The following MCTS1 variants were observed in gnomAD, a reference collection of about 807,000 sequenced individuals.
MCTS1 encodes MCTS1 re-initiation and release factor, also known as malignant T-cell-amplified sequence 1.
For missense variants in MCTS1, 55 were observed against 128.6 expected (o/e 0.43, Z 2.77); for synonymous variants, 26 against 40.8 (o/e 0.64, Z 1.38).
In MCTS1 at chrX:120,621,130, G is replaced by A. The variant is rs1385121943; in HGVS notation, c.*8866G>A. Reference sequence around the variant, plus strand: ...AAATGATAATATTTTGGATATGTTTGGGTTAAATAAAATATATTACTAAAA... The same window carrying A: ...AAATGATAATATTTTGGATATGTTTAGGTTAAATAAAATATATTACTAAAA... On this transcript the variant is annotated 3_prime_UTR_variant, in exon 6 of 6. Transcript: ENST00000371317. The A allele has an allele frequency of 8.9e-6, 1 of 112,382 alleles. No individual in the cohort carries two copies. Among genetic ancestry groups the A allele is most frequent in the East Asian group, 2.8e-4 (1 of 3,625 alleles). 9.3% of individuals were successfully genotyped at this position (112,382 alleles called of 1,213,427 possible).
intron 1 of MCTS1, chrX:120,604,463 C>G: frequency 1.9e-6 from 1 of 534,461 alleles, no homozygotes; most frequent in Non-Finnish European, 2.9e-6. Flanking sequence ...CCTCCACTCC[C>G]ATTGTTTTTT....
chrX:120,606,450 T>G (rs1215567799), intron 3 of MCTS1, among the ~76,000 whole-genome samples: 2 of 112,731 alleles, frequency 1.8e-5, no homozygotes, highest in Non-Finnish European at 3.7e-5. Flanking sequence ...CTCTCATGCA[T>G]TCCAGAAAGC....
intron 5 of MCTS1, among the ~76,000 whole-genome samples, chrX:120,611,656 G>GT (rs1171868366): frequency 9.0e-6 from 1 of 111,718 alleles, no homozygotes; most frequent in Non-Finnish European, 1.9e-5. Flanking sequence ...CTGACCTCAA[G>GT]TGATCCACCC....
chrX:120,613,126 A>G lies in MCTS1; in HGVS notation c.*862A>G, dbSNP rs887367226. On this transcript the variant is annotated 3_prime_UTR_variant, in exon 6 of 6. Transcript: ENST00000371317. ...TTTTTGGTAGAGATGGGGTTTCGCT[A>G]TGTTGGCCAGACTGGTCTTGAACTC... 1.0e-3 allele frequency among the ~76,000 whole-genome samples: 115 copies of G among 109,815 alleles called. No individual in the cohort carries two copies. Among genetic ancestry groups the G allele is most frequent in the Non-Finnish European group, 1.9e-4 (10 of 52,689 alleles).
intron 4 of MCTS1, among the ~76,000 whole-genome samples, chrX:120,609,515 A>G (rs975295161): frequency 6.3e-5 from 7 of 111,393 alleles, no homozygotes; most frequent in Admixed American, 5.7e-4. Context: ...AGAAAAAAAA[A>G]TGATATTCTC....
chrX:120,604,327 CCT>C (rs1926472254), intron 1 of MCTS1, 80 bp downstream of exon 1: 6 of 1,141,470 alleles, frequency 5.3e-6, no homozygotes, highest in Non-Finnish European at 7.2e-6. Flanking sequence ...GAGCTAAGAT[CCT>C]CTTTCTCTCT....
rs185988081 is a variant in MCTS1, at chrX:120,618,943, C to G, written c.*6679C>G. 9.8e-5 allele frequency among the ~76,000 whole-genome samples: 11 copies of G among 111,790 alleles called. No homozygotes were observed. The highest frequency in any genetic ancestry group is 1.9e-4 in the Non-Finnish European group (10 of 53,162). On this transcript the variant is annotated 3_prime_UTR_variant, in exon 6 of 6. Transcript: ENST00000371317. The stretch of plus-strand genomic sequence containing the variant: ...ATGCCCAGATACATTTATTGGGATG[C>G]AGGAATCTCACTTAAGTAGCGGTTT...
chrX:120,611,174 A>T, intron 5 of MCTS1, 96 bp downstream of exon 5: 2 of 701,303 alleles, frequency 2.9e-6, no homozygotes, highest in East Asian at 6.6e-5. Flanking sequence ...CATGCATACC[A>T]CATTACACAA....
rs10563395 is a variant in MCTS1 at position 120,612,660 on chromosome X, C to CGTGTGTGTGTGTGT, written c.*409_*422dup. Among the ~76,000 whole-genome samples the CGTGTGTGTGTGTGT allele has an allele frequency of 1.2e-4, 12 of 97,412 alleles. No individual in the cohort carries two copies. Among genetic ancestry groups the CGTGTGTGTGTGTGT allele is most frequent in the African/African-American group, 4.7e-4 (12 of 25,713 alleles). 84.6% of individuals were successfully genotyped at this position (97,412 alleles called of 115,157 possible). A position where few individuals can be genotyped will look rare whatever the true frequency, so the allele number is the denominator to read the frequency against. ...CAGGGGACCCAGCAGTGCTCATTCT[C>CGTGTGTGTGTGTGT]GTGTGTGTGTGTGTGTGTGTGTGTG... On this transcript the variant is annotated 3_prime_UTR_variant, in exon 6 of 6. Coordinates refer to ENST00000371317, the MANE Select transcript of MCTS1 (RefSeq NM_014060.3).
At position 120,618,827 on chromosome X, in the gene MCTS1, C is replaced by T. The variant is rs1288482066; in HGVS notation, c.*6563C>T. Among the ~76,000 whole-genome samples, 1 of 112,312 alleles carries T rather than the reference C, an allele frequency of 8.9e-6. No individual in the cohort carries two copies. Among genetic ancestry groups the T allele is most frequent in the African/African-American group, 3.2e-5 (1 of 30,951 alleles). On this transcript the variant is annotated 3_prime_UTR_variant, in exon 6 of 6. Coordinates refer to ENST00000371317, the MANE Select transcript of MCTS1 (RefSeq NM_014060.3). The stretch of plus-strand genomic sequence containing the variant: ...AAAAGGAGTCCACAAAGTATTTCTG[C>T]TTTCTTGCTCCTGAATGCAAAGGTC...
chrX:120,616,113 T>C lies in MCTS1; in HGVS notation c.*3849T>C, dbSNP rs191974966. The stretch of plus-strand genomic sequence containing the variant: ...TAGCAATTATATATTAATGGAAATA[T>C]GAATGTATGCCCAAGCAAAATGTCA... On this transcript the variant is annotated 3_prime_UTR_variant, in exon 6 of 6. Coordinates refer to ENST00000371317, the MANE Select transcript of MCTS1 (RefSeq NM_014060.3). Among the ~76,000 whole-genome samples the C allele has an allele frequency of 1.5e-3, 174 of 112,826 alleles. No individual in the cohort carries two copies. Among genetic ancestry groups the C allele is most frequent in the African/African-American group, 5.3e-3 (164 of 31,207 alleles).
chrX:120,618,503 C>T lies in MCTS1; in HGVS notation c.*6239C>T, dbSNP rs192317004. Reference sequence around the variant, plus strand: ...AGGATTAAGAAAAAGTTTTCTTTTGCGTGACTAAATTCTTTCCACAGTTTG... The same window carrying T: ...AGGATTAAGAAAAAGTTTTCTTTTGTGTGACTAAATTCTTTCCACAGTTTG... On this transcript the variant is annotated 3_prime_UTR_variant, in exon 6 of 6. Coordinates refer to ENST00000371317, the MANE Select transcript of MCTS1 (RefSeq NM_014060.3). 6.2e-5 allele frequency among the ~76,000 whole-genome samples: 7 copies of T among 112,048 alleles called. No individual in the cohort carries two copies. The highest frequency in any genetic ancestry group is 4.8e-4 in the Admixed American group (5 of 10,489).
intron 2 of MCTS1, among the ~76,000 whole-genome samples, chrX:120,605,807 A>C (rs751456537): frequency 1.8e-5 from 2 of 112,600 alleles, no homozygotes; most frequent in Non-Finnish European, 3.8e-5. Context: ...GTTGGATTTA[A>C]TTTATTTCAG....
chrX:120,615,218 T>C lies in MCTS1; in HGVS notation c.*2954T>C, dbSNP rs1926814718. Reference sequence around the variant, plus strand: ...TGGAAACTTAGTTTACCTATATTCGTGAGAATAGGAATACAGGGATAGAGA... The same window carrying C: ...TGGAAACTTAGTTTACCTATATTCGCGAGAATAGGAATACAGGGATAGAGA... On this transcript the variant is annotated 3_prime_UTR_variant, in exon 6 of 6. Transcript: ENST00000371317. 8.9e-6 allele frequency among the ~76,000 whole-genome samples: 1 copy of C among 112,479 alleles called. No homozygotes were observed. The highest frequency in any genetic ancestry group is 2.8e-4 in the East Asian group (1 of 3,611).
rs1053888064 is a variant in MCTS1 at position 120,618,716 on chromosome X, C to T, written c.*6452C>T. On this transcript the variant is annotated 3_prime_UTR_variant, in exon 6 of 6. Transcript: ENST00000371317. ...TCATGGCTTTATTCAGTTTCAAAAA[C>T]AGTAGGGGCTAAAATGTTTGGACAT... is the stretch of plus-strand genomic sequence containing the variant. 2.7e-5 allele frequency among the ~76,000 whole-genome samples: 3 copies of T among 112,380 alleles called. No individual in the cohort carries two copies. The highest frequency in any genetic ancestry group is 5.6e-5 in the Non-Finnish European group (3 of 53,302).
At position 120,616,022 on chromosome X, in the gene MCTS1, A is replaced by G. The variant is rs779906955; in HGVS notation, c.*3758A>G. Reference sequence around the variant, plus strand: ...GTATAATACTTCAGAGGAAGAGATAAGAATTACAATTCACTAAATTCGTGG... The same window carrying G: ...GTATAATACTTCAGAGGAAGAGATAGGAATTACAATTCACTAAATTCGTGG... On this transcript the variant is annotated 3_prime_UTR_variant, in exon 6 of 6. Transcript: ENST00000371317. Among the ~76,000 whole-genome samples, 1 of 113,102 alleles carries G rather than the reference A, an allele frequency of 8.8e-6. No homozygotes were observed. The highest frequency in any genetic ancestry group is 3.6e-4 in the South Asian group (1 of 2,812).
Position 120,619,644 on chromosome X carries a change from A to G in MCTS1, c.*7380A>G, listed in dbSNP as rs1009095574. Reference sequence around the variant, plus strand: ...TTAAATCTTGGCCCAAATTCAAATCACCATCTTTATGGGTTATTGGAGAGA... The same window carrying G: ...TTAAATCTTGGCCCAAATTCAAATCGCCATCTTTATGGGTTATTGGAGAGA... On this transcript the variant is annotated 3_prime_UTR_variant, in exon 6 of 6. Transcript: ENST00000371317. 9.0e-6 allele frequency among the ~76,000 whole-genome samples: 1 copy of G among 110,974 alleles called. No individual in the cohort carries two copies. The highest frequency in any genetic ancestry group is 1.9e-5 in the Non-Finnish European group (1 of 52,934).
intron 4 of MCTS1, among the ~76,000 whole-genome samples, chrX:120,608,786 G>T (rs1602608625): frequency 1.8e-5 from 2 of 112,346 alleles, no homozygotes; most frequent in Admixed American, 9.4e-5. Context: ...AAAGGGAAAA[G>T]AATTTAGGCA....
Position 120,605,566 on chromosome X carries a change from C to T in MCTS1, c.164+7C>T, listed in dbSNP as rs1227880710. 9 of 1,193,916 alleles carry T rather than the reference C, an allele frequency of 7.5e-6. No homozygotes were observed. The highest frequency in any genetic ancestry group is 9.0e-6 in the Non-Finnish European group (8 of 889,792). Reference sequence around the variant, plus strand: ...CTGTCAAAATAGTCCGATGGTAAGTCTTTGTTTTTGTCTGTGTAAAGCTCG... The same window carrying T: ...CTGTCAAAATAGTCCGATGGTAAGTTTTTGTTTTTGTCTGTGTAAAGCTCG... On this transcript the variant is annotated splice_region_variant and intron_variant, in intron 2 of 5. Transcript: ENST00000371317.
Sources: gnomAD v4.1 joint callset for allele counts (sites outside exome capture counted in the v4.1 genomes callset) on GRCh38, gnomAD v4.1.1 for gene constraint, MANE v1.5 for transcripts, NCBI Gene and HGNC (gene_info 2026-07-23, HGNC 2026-07-21) for gene names.